PCDHGA3: variants seen among roughly 807,000 people sequenced by gnomAD.
The protein encoded by PCDHGA3 is protocadherin gamma-A3.
Under a neutral mutation model 58.5 loss-of-function variants are expected in PCDHGA3, and 40 were observed. That is an observed-to-expected ratio of 0.68 (90% CI 0.53 to 0.89). PCDHGA3 has a LOEUF of 0.89. Among genes scored for constraint, PCDHGA3 ranks in the 40% least tolerant of loss-of-function variants. The pLI, the probability that PCDHGA3 is intolerant of heterozygous loss-of-function variation, is 0.00. For missense variants in PCDHGA3, 1,223 were observed against 1,195.9 expected, an observed-to-expected ratio of 1.02 and a Z score of -0.33; for synonymous variants, 530 against 525.7, an observed-to-expected ratio of 1.01 and a Z score of -0.11.
intron 1 of PCDHGA3, among the ~76,000 whole-genome samples, chr5:141,401,895 T>C (rs184400858): frequency 3.8e-4 from 58 of 152,342 alleles, no homozygotes; most frequent in African/African-American, 1.1e-3. Context: ...GTGTTCTTTT[T>C]CCCAAATTAT....
At chr5:141,381,443 C>T (rs1777196570) in intron 1 of PCDHGA3, among the ~76,000 whole-genome samples, 1 of 152,224 alleles carries the variant, frequency 6.6e-6, no homozygotes, top group Admixed American at 6.5e-5. Flanking sequence ...CCTGTCAGGA[C>T]AGTCCTGCAT....
chr5:141,485,358 G>T lies in PCDHGA3; in HGVS notation c.2425-9449G>T. 1.2e-6 allele frequency: 2 copies of T among 1,614,100 alleles called. No individual in the cohort carries two copies. Among genetic ancestry groups the T allele is most frequent in the Non-Finnish European group, 1.7e-6 (2 of 1,180,006 alleles). On this transcript the variant is annotated intron_variant, in intron 1 of 3. Coordinates refer to ENST00000253812, the MANE Select transcript of PCDHGA3 (RefSeq NM_018916.4). This position sits in a 1 kb window ranked among gnomAD's most constrained non-coding sequence, Gnocchi z 5.7. ...CTGGATACGGACAGTCTGTCAGCTC[G>T]CAGGCTGCAGGTCGCTGGAGAGGTG...
intron 1 of PCDHGA3, chr5:141,417,942 C>T (rs1324501154): frequency 2.5e-6 from 4 of 1,613,090 alleles, no homozygotes; most frequent in South Asian, 1.1e-5. Context: ...TTCTACCCCA[C>T]GCTGTGTGAG....
In PCDHGA3 at chr5:141,408,282, C is replaced by A. The variant is rs1045626164; in HGVS notation, c.2424+61825C>A. On this transcript the variant is annotated intron_variant, in intron 1 of 3. Transcript: ENST00000253812. ...CCTTTGCTGCTGCCTTTGTTCTACC[C>A]CACCCTGAGTGAGCCGATCCGCTAC... The A allele has an allele frequency of 5.0e-6, 8 of 1,612,846 alleles. No individual in the cohort carries two copies. The African/African-American group carries it at 1.1e-4, about 22-fold the overall frequency.
intron 1 of PCDHGA3, chr5:141,378,196 A>C (rs1197830416): frequency 6.6e-6 from 1 of 152,188 alleles, no homozygotes; most frequent in Non-Finnish European, 1.5e-5. Flanking sequence ...TGCCTACTAC[A>C]GTGTCTTTTG....
At position 141,432,172 on chromosome 5, in the gene PCDHGA3, C is replaced by A. The variant is rs562175068; in HGVS notation, c.2425-62635C>A. ...AGAACAATCCCAGAGGAGTTTCCCT[C>A]GTCTCTGTGACCGCCCACGACCCCG... On this transcript the variant is annotated intron_variant, in intron 1 of 3. Coordinates refer to ENST00000253812, the MANE Select transcript of PCDHGA3 (RefSeq NM_018916.4). This position sits in a 1 kb window ranked among gnomAD's most constrained non-coding sequence, Gnocchi z 6.0. 5 of 1,614,152 alleles carry A rather than the reference C, an allele frequency of 3.1e-6. No homozygotes were observed. The South Asian group carries it at 4.4e-5, about 14-fold the overall frequency.
At chr5:141,495,052 CTGTT>C (rs1406995321) in intron 2 of PCDHGA3, among the ~76,000 whole-genome samples, 187 bp downstream of exon 2, 1 of 152,190 alleles carries the variant, frequency 6.6e-6, no homozygotes, top group Non-Finnish European at 1.5e-5. Context: ...ACTGCCCTGA[CTGTT>C]CAGGAAGCTC....
chr5:141,400,590 T>G (rs775174347), intron 1 of PCDHGA3: 2 of 1,604,848 alleles, frequency 1.2e-6, no homozygotes, highest in South Asian at 1.1e-5. Flanking sequence ...CATGAAACTA[T>G]CGTACATTTT....
chr5:141,494,142 A>AAGACAACT (rs2099752181), intron 1 of PCDHGA3, among the ~76,000 whole-genome samples: 5 of 152,090 alleles, frequency 3.3e-5, no homozygotes, highest in Admixed American at 6.5e-5. Context: ...TTAGTCACAG[A>AAGACAACT]CCATTGTCTG....
intron 2 of PCDHGA3, among the ~76,000 whole-genome samples, chr5:141,502,002 C>T (rs1434269040): frequency 1.3e-5 from 2 of 152,164 alleles, no homozygotes; most frequent in South Asian, 2.1e-4. Context: ...CCTGACAACC[C>T]GCATGCTCTC....
Position 141,356,101 on chromosome 5 carries a change from A to G in PCDHGA3, c.2424+9644A>G, listed in dbSNP as rs573376622. 7.4e-6 allele frequency: 12 copies of G among 1,613,918 alleles called. No individual in the cohort carries two copies. In the African/African-American group the frequency reaches 9.3e-5, roughly 13 times the overall value. On this transcript the variant is annotated intron_variant, in intron 1 of 3. Transcript: ENST00000253812. The stretch of plus-strand genomic sequence containing the variant: ...TCAGTTGAATTCTCTGAGTGGGGAT[A>G]TAACAATATTGGGGGGTCTAGATTA...
chr5:141,374,065 A>G (rs776038796), intron 1 of PCDHGA3: 1 of 1,497,724 alleles, frequency 6.7e-7, no homozygotes, highest in Non-Finnish European at 8.9e-7. Flanking sequence ...ATCCCAGAGA[A>G]GTTCCTAATA....
rs13436436 is a variant in PCDHGA3 at position 141,494,301 on chromosome 5, G to C, written c.2425-506G>C. Among the ~76,000 whole-genome samples, 1,119 of 152,302 alleles carry C rather than the reference G, an allele frequency of 7.3e-3. 11 individuals carry two copies. The highest frequency in any genetic ancestry group is 0.026 in the African/African-American group (1,077 of 41,560). Reference sequence around the variant, plus strand: ...CCAGAGAAGATGTCCCTGTGAATGTGTCACTGCACAACCTGGCACCAAAAG... The same window carrying C: ...CCAGAGAAGATGTCCCTGTGAATGTCTCACTGCACAACCTGGCACCAAAAG... On this transcript the variant is annotated intron_variant, in intron 1 of 3. Coordinates refer to ENST00000253812, the MANE Select transcript of PCDHGA3 (RefSeq NM_018916.4).
chr5:141,468,159 T>C (rs1408861467), intron 1 of PCDHGA3, among the ~76,000 whole-genome samples: 2 of 151,760 alleles, frequency 1.3e-5, no homozygotes, highest in Admixed American at 6.6e-5. Context: ...ACCCTGTCTC[T>C]GCTAAAAATA....
chr5:141,371,367 G>A (rs778491308), intron 1 of PCDHGA3: 3 of 1,613,892 alleles, frequency 1.9e-6, no homozygotes, highest in Non-Finnish European at 1.7e-6. Flanking sequence ...AAAGGATGGT[G>A]GACATCACAC....
rs558730748 is a variant in PCDHGA3, at chr5:141,469,995, G to A, written c.2425-24812G>A. Reference sequence around the variant, plus strand: ...AAAATACAAAAATTAGCTGGTCGTCGTGGCACGCCTGTAATCCCAGCTACT... The same window carrying A: ...AAAATACAAAAATTAGCTGGTCGTCATGGCACGCCTGTAATCCCAGCTACT... On this transcript the variant is annotated intron_variant, in intron 1 of 3. Coordinates refer to ENST00000253812, the MANE Select transcript of PCDHGA3 (RefSeq NM_018916.4). Among the ~76,000 whole-genome samples, 8 of 152,194 alleles carry A rather than the reference G, an allele frequency of 5.3e-5. No homozygotes were observed. In the East Asian group the frequency reaches 5.8e-4, roughly 11 times the overall value.
chr5:141,370,282 G>C (rs1485340521), intron 1 of PCDHGA3: 2 of 938,746 alleles, frequency 2.1e-6, no homozygotes, highest in East Asian at 2.6e-5. Context: ...ACACCCATTA[G>C]AGAACCCAAG....
chr5:141,405,433 T>A, intron 1 of PCDHGA3: 1 of 1,471,752 alleles, frequency 6.8e-7, no homozygotes, highest in Non-Finnish European at 9.3e-7. Flanking sequence ...TTTTGTTTTG[T>A]TTTTGAGACA....
At chr5:141,415,641 T>TA (rs113784532) in intron 1 of PCDHGA3, 91,654 of 1,192,004 alleles carry the variant, frequency 0.077, 689 homozygotes, top group South Asian at 0.099. Context: ...TTACTTTTGT[T>TA]AAAAAAAAAA....
Sources: allele counts gnomAD v4.1 joint callset (sites outside exome capture counted in the v4.1 genomes callset), GRCh38; gene constraint gnomAD v4.1.1; non-coding constraint Gnocchi (gnomAD v3.1); transcripts MANE v1.5; gene names NCBI Gene and HGNC (gene_info 2026-07-23, HGNC 2026-07-21).